SLC25A25: variants seen among roughly 807,000 people sequenced by gnomAD.
SLC25A25 encodes the protein solute carrier family 25 member 25, also known as mitochondrial adenyl nucleotide antiporter SLC25A25.
A neutral mutation model predicts 57.7 loss-of-function variants in SLC25A25; 32 were observed. The observed-to-expected ratio is 0.55, with a 90% CI of 0.42 to 0.74. SLC25A25 has a LOEUF of 0.74. SLC25A25 is among the 30% of genes least tolerant of loss of function. The pLI, the probability that SLC25A25 is intolerant of heterozygous loss-of-function variation, is 0.00. For synonymous variants in SLC25A25, 306 were observed against 291.2 expected, an observed-to-expected ratio of 1.05 and a Z score of -0.52; for missense variants, 556 against 701.3, an observed-to-expected ratio of 0.79 and a Z score of 2.34.
intron 1 of SLC25A25, among the ~76,000 whole-genome samples, chr9:128,097,982 C>G (rs1438368990): frequency 6.6e-6 from 1 of 152,240 alleles, no homozygotes; most frequent in Non-Finnish European, 1.5e-5. Flanking sequence ...GGGGGGTCCA[C>G]TTTCCAGGGT....
rs1834090311 is a variant in SLC25A25, at chr9:128,107,312, C to A, written c.1416C>A (p.Ile472=). The A allele has an allele frequency of 6.4e-7, 1 of 1,558,956 alleles. No individual in the cohort carries two copies. Among genetic ancestry groups the A allele is most frequent in the African/African-American group, 1.4e-5 (1 of 73,872 alleles). The change falls in exon 11 of 11, where the codon ATC becomes ATA. Residue 472 remains isoleucine, a synonymous_variant. Transcript: ENST00000373069. The part of the protein sequence containing the change: ...EVTMSSLFKH[I]LRTEGAFGLY... ...CCATGAGCAGCCTCTTCAAACATAT[C>A]CTGCGGACCGAGGGGGCCTTCGGGC...
chr9:128,097,859 A>G (rs373200287), intron 1 of SLC25A25, among the ~76,000 whole-genome samples: 4 of 152,206 alleles, frequency 2.6e-5, no homozygotes, highest in African/African-American at 4.8e-5. Flanking sequence ...AGAGGTTTCA[A>G]TGCAATGTGG....
At chr9:128,074,197 G>T (rs1445781200) in intron 1 of SLC25A25, among the ~76,000 whole-genome samples, 1 of 151,796 alleles carries the variant, frequency 6.6e-6, no homozygotes, top group East Asian at 1.9e-4. Context: ...ACACCACCAC[G>T]TCAGGCTAAC....
chr9:128,069,672 A>G (rs1048851537), intron 1 of SLC25A25, among the ~76,000 whole-genome samples: 1 of 152,204 alleles, frequency 6.6e-6, no homozygotes, highest in African/African-American at 2.4e-5. Context: ...AGCGCTAACT[A>G]TTAGGATCAG....
intron 1 of SLC25A25, among the ~76,000 whole-genome samples, chr9:128,090,097 C>T (rs1251304192): frequency 1.3e-5 from 2 of 152,120 alleles, no homozygotes; most frequent in Non-Finnish European, 2.9e-5. Flanking sequence ...CGCCCCACAC[C>T]CTCTCTTCAA....
chr9:128,106,373 G>A lies in SLC25A25; in HGVS notation c.1065G>A (p.Ala355=), dbSNP rs372688826. The change falls in exon 9 of 11, where the codon GCG becomes GCA. Residue 355 remains alanine (A), a synonymous_variant. Coordinates refer to ENST00000373069, the MANE Select transcript of SLC25A25 (RefSeq NM_001330988.2). ...YPMEVLKTRM[A]LRKTGQYSGM... ...TGCAGGTCCTGAAGACCCGGATGGC[G>A]CTGCGGAAGACAGGCCAGTACTCAG... The A allele has an allele frequency of 3.2e-5, 51 of 1,613,636 alleles. 1 individual carries two copies. In the South Asian group the frequency reaches 3.3e-4, roughly 10 times the overall value.
rs1042684217 is a variant in SLC25A25 at position 128,095,840 on chromosome 9, C to T, written c.262-5256C>T. Among the ~76,000 whole-genome samples the T allele has an allele frequency of 6.6e-6, 1 of 152,108 alleles. No individual in the cohort carries two copies. Among genetic ancestry groups the T allele is most frequent in the Non-Finnish European group, 1.5e-5 (1 of 68,032 alleles). On this transcript the variant is annotated intron_variant, in intron 1 of 10. Transcript: ENST00000373069. This position sits in a 1 kb window ranked among gnomAD's most constrained non-coding sequence, Gnocchi z 4.4. The stretch of plus-strand genomic sequence containing the variant: ...AGACAAAGAAAAAAGAAGAAGAATA[C>T]AGGTTTCACTTTTATTTAGTATCAT...
Position 128,068,378 on chromosome 9 carries a change from C to T in SLC25A25, c.59C>T (p.Thr20Ile). The T allele has an allele frequency of 6.4e-7, 1 of 1,550,466 alleles. No homozygotes were observed. The highest frequency in any genetic ancestry group is 8.6e-7 in the Non-Finnish European group (1 of 1,157,102). ...TCCCCGCCGCCGGACGCCGCCGCCA[C>T]CGCCGCCTCTTCGTCTGCCTCATCG... ...VASPPPDAAA[T>I]AASSSASSPA... The change falls in exon 1 of 11, where the codon ACC becomes ATC. Residue 20 changes from threonine to isoleucine, a missense_variant. Thr to Ile is a moderately conservative substitution (Grantham distance 89). Around this residue, in one of 3 missense-constraint regions of SLC25A25, gnomAD observed 248 missense variants for 273.5 expected, o/e 0.91. Transcript: ENST00000373069.
chr9:128,082,042 T>C (rs545097325), intron 1 of SLC25A25, among the ~76,000 whole-genome samples: 1 of 152,230 alleles, frequency 6.6e-6, no homozygotes, highest in Non-Finnish European at 1.5e-5. Context: ...CTAACTTTCT[T>C]GTAGAGAAAA....
chr9:128,073,574 C>T (rs562706043), intron 1 of SLC25A25, among the ~76,000 whole-genome samples: 1 of 152,280 alleles, frequency 6.6e-6, no homozygotes, highest in East Asian at 1.9e-4. Context: ...GAAGAAAGCT[C>T]CTTTCCAAGA....
intron 7 of SLC25A25, 124 bp from the exon 8 acceptor site, chr9:128,106,026 T>A (rs781742998): frequency 1.1e-5 from 17 of 1,529,130 alleles, no homozygotes; most frequent in Non-Finnish European, 1.5e-5. Context: ...AGGCCCAGGC[T>A]CACCACGAGT....
chr9:128,071,111 T>C (rs1276967831), intron 1 of SLC25A25, among the ~76,000 whole-genome samples: 1 of 152,248 alleles, frequency 6.6e-6, no homozygotes, highest in Non-Finnish European at 1.5e-5. Context: ...GTCTGCCCCA[T>C]GCTTTGTGCA....
At chr9:128,106,580 T>C in intron 9 of SLC25A25, 60 bp downstream of exon 9, 1 of 1,515,954 alleles carries the variant, frequency 6.6e-7, no homozygotes, top group East Asian at 2.3e-5. Flanking sequence ...ACCTGCTGTC[T>C]CCCTCCTTGA....
intron 1 of SLC25A25, among the ~76,000 whole-genome samples, chr9:128,082,683 T>C (rs1182271145): frequency 6.6e-6 from 1 of 152,182 alleles, no homozygotes; most frequent in Non-Finnish European, 1.5e-5. Context: ...GTCTCGCTCT[T>C]TGCCCAGGCT....
rs555070592 is a variant in SLC25A25 at position 128,084,241 on chromosome 9, A to G, written c.261+15661A>G. ...CTCTGCAATTCAGGCACAACCGACC[A>G]GCATTAACATTAAAACAGATTTTTT... On this transcript the variant is annotated intron_variant, in intron 1 of 10. Transcript: ENST00000373069. Among the ~76,000 whole-genome samples, 23 of 146,130 alleles carry G rather than the reference A, an allele frequency of 1.6e-4. No homozygotes were observed. The South Asian group carries it at 2.2e-3, about 14-fold the overall frequency.
chr9:128,100,339 C>T (rs564624945), intron 1 of SLC25A25, among the ~76,000 whole-genome samples: 58 of 151,114 alleles, frequency 3.8e-4, no homozygotes, highest in African/African-American at 1.3e-3. Context: ...TCCTGGGAGG[C>T]GGGGGCGGGG....
rs757574236 is a variant in SLC25A25 at position 128,068,356 on chromosome 9, CCGCCGCCGGA to C, written c.46_55del (p.Asp16ProfsTer83). 2.7e-5 allele frequency: 42 copies of C among 1,540,622 alleles called. No individual in the cohort carries two copies. The highest frequency in any genetic ancestry group is 5.8e-5 in the Admixed American group (3 of 52,018). On this transcript the variant is annotated frameshift_variant, in exon 1 of 11. Coordinates refer to ENST00000373069, the MANE Select transcript of SLC25A25 (RefSeq NM_001330988.2). LOFTEE classifies it high-confidence loss of function. ...TGTGTTGTGCCGCTGTGTGGCCTCC[CCGCCGCCGGA>C]CGCCGCCGCCACCGCCGCCTCTTCG...
chr9:128,075,355 G>A (rs1259661150), intron 1 of SLC25A25, among the ~76,000 whole-genome samples: 3 of 151,990 alleles, frequency 2.0e-5, no homozygotes, highest in Non-Finnish European at 4.4e-5. Flanking sequence ...GTCTGATCTG[G>A]AGCTTCAACT....
intron 1 of SLC25A25, among the ~76,000 whole-genome samples, chr9:128,094,105 G>A (rs1464178935): frequency 2.6e-5 from 4 of 152,152 alleles, no homozygotes; most frequent in Non-Finnish European, 5.9e-5. Context: ...CCAAGATTGT[G>A]CCGCTGTACT....
Sources: gnomAD v4.1 joint callset for allele counts (sites outside exome capture counted in the v4.1 genomes callset) on GRCh38, gnomAD v4.1.1 for gene constraint, gnomAD v4.1.1 regional missense constraint, Gnocchi (gnomAD v3.1) non-coding constraint, MANE v1.5 for transcripts, NCBI Gene and HGNC (gene_info 2026-07-23, HGNC 2026-07-21) for gene names.